The following SGSM3 variants were observed in gnomAD, a reference collection of about 807,000 sequenced individuals.
SGSM3 encodes small G protein signaling modulator 3.
A neutral mutation model predicts 100.5 loss-of-function variants in SGSM3; 96 were observed. The observed-to-expected ratio is 0.96, with a 90% CI of 0.81 to 1.13. The LOEUF (loss-of-function observed/expected upper bound fraction) is 1.13. Ranked by LOEUF, SGSM3 falls within the 50% of genes most tolerant of loss-of-function variation. The pLI is 0.00. For synonymous variants in SGSM3, 483 were observed against 422.8 expected, an observed-to-expected ratio of 1.14 and a Z score of -1.75; for missense variants, 1,001 against 1,015.8, an observed-to-expected ratio of 0.99 and a Z score of 0.20.
Position 40,405,682 on chromosome 22 carries a change from G to A in SGSM3, c.652G>A (p.Glu218Lys), listed in dbSNP as rs148778846. 3.0e-5 allele frequency: 48 copies of A among 1,613,540 alleles called. No individual in the cohort carries two copies. The highest frequency in any genetic ancestry group is 3.9e-5 in the Non-Finnish European group (46 of 1,179,866). The change falls in exon 8 of 22, where the codon GAG becomes AAG. Residue 218 changes from glutamate to lysine, a missense_variant. By Grantham distance (56) the Glu-to-Lys change is moderately conservative. Transcript: ENST00000248929. Reference protein sequence around the residue: ...AACLLLFLEEEDAFWMMSAII... With the variant: ...AACLLLFLEEKDAFWMMSAII... ...CTGCCTCCTGCTGTTCCTGGAGGAG[G>A]AGGACGCCTTCTGGATGATGTCTGC...
intron 1 of SGSM3, among the ~76,000 whole-genome samples, chr22:40,390,010 A>G (rs1449382769): frequency 1.3e-5 from 2 of 152,268 alleles, no homozygotes; most frequent in African/African-American, 4.8e-5. Flanking sequence ...CACACTGAGG[A>G]CACTAATAAA....
chr22:40,370,929 C>A (rs966371629), intron 1 of SGSM3, among the ~76,000 whole-genome samples: 18 of 152,212 alleles, frequency 1.2e-4, no homozygotes, highest in Admixed American at 2.0e-4. Flanking sequence ...CCGGTGCGGC[C>A]GCCCCTAGAC....
chr22:40,389,460 G>C (rs867697535), intron 1 of SGSM3, among the ~76,000 whole-genome samples: 1 of 151,768 alleles, frequency 6.6e-6, no homozygotes, highest in Non-Finnish European at 1.5e-5. Context: ...TTAGCCGGGC[G>C]TGGTGGCGGG....
At chr22:40,394,384 A>T (rs538755835) in intron 1 of SGSM3, among the ~76,000 whole-genome samples, 1 of 152,306 alleles carries the variant, frequency 6.6e-6, no homozygotes, top group African/African-American at 2.4e-5. Context: ...ATGATGGCTC[A>T]CGCCTATAAT....
intron 1 of SGSM3, among the ~76,000 whole-genome samples, chr22:40,374,859 T>G (rs1174600392): frequency 6.6e-6 from 1 of 152,210 alleles, no homozygotes; most frequent in Non-Finnish European, 1.5e-5. Flanking sequence ...CACTCCAGCC[T>G]GGGGAAGAGA....
rs2052363829 is a variant in SGSM3 at position 40,409,877 on chromosome 22, C to T, written c.*118C>T. The stretch of plus-strand genomic sequence containing the variant: ...GGCCGGGGCCGCGGGATATCAATAT[C>T]AGGCTGCCCCACTCCACGTTCCCCA... On this transcript the variant is annotated 3_prime_UTR_variant, in exon 22 of 22. Transcript: ENST00000248929. The T allele has an allele frequency of 4.1e-6, 6 of 1,450,638 alleles. No individual in the cohort carries two copies. The highest frequency in any genetic ancestry group is 2.7e-5 in the Admixed American group (1 of 37,098). The allele number at this position is 1,450,638 out of a possible 1,614,324, so 89.9% of individuals were successfully genotyped here.
At chr22:40,403,844 C>T (rs1239368148) in intron 4 of SGSM3, among the ~76,000 whole-genome samples, 1 of 152,094 alleles carries the variant, frequency 6.6e-6, no homozygotes, top group African/African-American at 2.4e-5. Context: ...GGATGAAGGA[C>T]CATGGCTTGG....
chr22:40,398,283 A>T (rs1555931909), intron 1 of SGSM3, among the ~76,000 whole-genome samples: 1 of 102,364 alleles, frequency 9.8e-6, no homozygotes, highest in Non-Finnish European at 2.1e-5. Context: ...CTGATTCTCT[A>T]ATGTAAGGGT....
intron 3 of SGSM3, 54 bp downstream of exon 3, chr22:40,401,729 G>T: frequency 6.7e-7 from 1 of 1,495,774 alleles, no homozygotes; most frequent in Admixed American, 1.7e-5. Flanking sequence ...GTGGTATGAA[G>T]GGGACCCAGC....
At chr22:40,408,867 C>T in intron 18 of SGSM3, 25 bp downstream of exon 18, 2 of 1,613,920 alleles carry the variant, frequency 1.2e-6, no homozygotes, top group Non-Finnish European at 8.5e-7. Context: ...TCTGCCAGAC[C>T]CTAGAGACCT....
intron 4 of SGSM3, among the ~76,000 whole-genome samples, chr22:40,402,597 G>A (rs901328309): frequency 6.6e-6 from 1 of 152,126 alleles, no homozygotes; most frequent in Non-Finnish European, 1.5e-5. Context: ...AAATTTGCCA[G>A]GTGTGATGGT....
intron 1 of SGSM3, among the ~76,000 whole-genome samples, chr22:40,371,541 G>T (rs2045481321): frequency 6.6e-6 from 1 of 152,112 alleles, no homozygotes; most frequent in Non-Finnish European, 1.5e-5. Context: ...CGTAGTTTTT[G>T]TGACAGGTTT....
At chr22:40,377,994 A>G (rs957579767) in intron 1 of SGSM3, among the ~76,000 whole-genome samples, 1 of 152,234 alleles carries the variant, frequency 6.6e-6, no homozygotes, top group African/African-American at 2.4e-5. Context: ...TATTACTAGC[A>G]AACAGATTTC....
chr22:40,407,895 C>G lies in SGSM3; in HGVS notation c.1579+52C>G, dbSNP rs898489556. The stretch of plus-strand genomic sequence containing the variant: ...TGGGAGAGGGAGGAGGGGGTGGGCA[C>G]AGAAGACTTGGGTGACCCTGGCCGC... On this transcript the variant is annotated intron_variant, in intron 14 of 21. Coordinates refer to ENST00000248929, the MANE Select transcript of SGSM3 (RefSeq NM_015705.6). The surrounding 1 kb of genome is among the most constrained non-coding windows in gnomAD (Gnocchi z 4.7). The G allele has an allele frequency of 1.9e-6, 3 of 1,553,336 alleles. No individual in the cohort carries two copies. Among genetic ancestry groups the G allele is most frequent in the Non-Finnish European group, 2.6e-6 (3 of 1,138,896 alleles).
Position 40,404,277 on chromosome 22 carries a change from C to T in SGSM3, c.188C>T (p.Ala63Val), listed in dbSNP as rs758930073. The change falls in exon 5 of 22, where the codon GCG becomes GTG. Residue 63 changes from alanine (A) to valine (V), a missense_variant. Physicochemically the swap from Ala to Val is moderately conservative, Grantham distance 64. Coordinates refer to ENST00000248929, the MANE Select transcript of SGSM3 (RefSeq NM_015705.6). ...EGDEPGSSLL[A>V]NSPLMEDAPQ... ...GATGAGCCTGGCTCCAGTCTGCTGG[C>T]GAACTCCCCTCTGATGGAGGATGCT... is the stretch of plus-strand genomic sequence containing the variant. 14 of 1,520,940 alleles carry T rather than the reference C, an allele frequency of 9.2e-6. No homozygotes were observed. The East Asian group carries it at 2.3e-4, about 25-fold the overall frequency. 94.2% of individuals were successfully genotyped at this position (1,520,940 alleles called of 1,614,324 possible).
intron 1 of SGSM3, among the ~76,000 whole-genome samples, chr22:40,398,754 A>G (rs2050364043): frequency 7.1e-6 from 1 of 141,194 alleles, no homozygotes; most frequent in Non-Finnish European, 1.5e-5. Flanking sequence ...TAGGACTACT[A>G]ATTGCCTGAT....
intron 4 of SGSM3, among the ~76,000 whole-genome samples, chr22:40,402,952 C>A (rs1360672155): frequency 6.6e-6 from 1 of 152,202 alleles, no homozygotes; most frequent in Admixed American, 6.5e-5. Flanking sequence ...TGCAACTAAT[C>A]ACCTTCAGGT....
chr22:40,391,373 T>A (rs887219330), intron 1 of SGSM3, among the ~76,000 whole-genome samples: 1 of 152,126 alleles, frequency 6.6e-6, no homozygotes, highest in Admixed American at 6.5e-5. Context: ...TTTGGGAGGC[T>A]AAGGCAGGAG....
chr22:40,404,716 GGA>G, intron 6 of SGSM3, 52 bp downstream of exon 6: 7 of 1,297,604 alleles, frequency 5.4e-6, no homozygotes, highest in South Asian at 1.2e-5. Context: ...TGGGCTCGCA[GGA>G]GAGAGGGAGC....
Sources: gnomAD v4.1 joint callset for allele counts (sites outside exome capture counted in the v4.1 genomes callset) on GRCh38, gnomAD v4.1.1 for gene constraint, Gnocchi (gnomAD v3.1) non-coding constraint, MANE v1.5 for transcripts, NCBI Gene and HGNC (gene_info 2026-07-23, HGNC 2026-07-21) for gene names.